Variants in UTP18 observed in about 807,000 individuals in gnomAD.
UTP18 encodes UTP18 small subunit processome component.
A neutral mutation model predicts 61.1 loss-of-function variants in UTP18; 36 were observed. The observed-to-expected ratio is 0.59, with a 90% CI of 0.45 to 0.78. The LOEUF is 0.78. UTP18 is among the 30% of genes least tolerant of loss of function. The probability of loss-of-function intolerance (pLI) is 0.00; values close to 1 mark genes in which losing one functional copy is unlikely to be tolerated. For missense variants in UTP18, 753 were observed against 693.9 expected, an observed-to-expected ratio of 1.09 and a Z score of -0.96; for synonymous variants, 282 against 251.1, an observed-to-expected ratio of 1.12 and a Z score of -1.16.
chr17:51,274,302 A>G (rs73334981), intron 5 of UTP18, among the ~76,000 whole-genome samples: 333 of 152,304 alleles, frequency 2.2e-3, no homozygotes, highest in African/African-American at 7.6e-3. Context: ...ACTCATCACT[A>G]TGTCTAGCAT....
Position 51,260,928 on chromosome 17 carries a change from T to C in UTP18, c.342+2T>C, listed in dbSNP as rs1189195776. The C allele has an allele frequency of 6.5e-7, 1 of 1,547,314 alleles. No homozygotes were observed. Among genetic ancestry groups the C allele is most frequent in the Admixed American group, 2.0e-5 (1 of 51,196 alleles). ...CTGCGGCGTCTGCGAGGCCCGAGGGTGAGGGAGGCCGCGGCGCGCGGGCTG... is the reference window on the plus strand; with the variant it reads ...CTGCGGCGTCTGCGAGGCCCGAGGGCGAGGGAGGCCGCGGCGCGCGGGCTG... On this transcript the variant is annotated splice_donor_variant, in intron 1 of 13. Transcript: ENST00000225298. LOFTEE classifies it high-confidence loss of function.
At chr17:51,283,489 G>A (rs1259530178) in intron 9 of UTP18, among the ~76,000 whole-genome samples, 1 of 151,956 alleles carries the variant, frequency 6.6e-6, no homozygotes, top group East Asian at 1.9e-4. Flanking sequence ...TCTGTATGGA[G>A]TCGTTTGTGT....
At chr17:51,277,003 T>C (rs1403682421) in intron 6 of UTP18, 127 bp from the exon 7 acceptor site, 1 of 944,202 alleles carries the variant, frequency 1.1e-6, no homozygotes, top group African/African-American at 1.7e-5. Context: ...TGGCCGTGGC[T>C]GCTTAAGTCA....
chr17:51,267,570 GT>G (rs1194798288), intron 3 of UTP18, among the ~76,000 whole-genome samples: 1 of 148,398 alleles, frequency 6.7e-6, no homozygotes, highest in Non-Finnish European at 1.5e-5. Context: ...TTTTCTTTGT[GT>G]TGTTTAACTT....
Position 51,273,524 on chromosome 17 carries a change from A to G in UTP18, c.711+74A>G, listed in dbSNP as rs921987423. 3.9e-6 allele frequency: 4 copies of G among 1,035,306 alleles called. No homozygotes were observed. In the Admixed American group the frequency reaches 8.7e-5, roughly 22 times the overall value. 64.1% of individuals were successfully genotyped at this position (1,035,306 alleles called of 1,614,324 possible). A position where few individuals can be genotyped will look rare whatever the true frequency, so the allele number is the denominator to read the frequency against. On this transcript the variant is annotated intron_variant, in intron 5 of 13. Coordinates refer to ENST00000225298, the MANE Select transcript of UTP18 (RefSeq NM_016001.3). The stretch of plus-strand genomic sequence containing the variant: ...AGTTTAATTTGCTTCCCAGTAGCAG[A>G]TGTATGGATTCCTATTATCTGTGGG...
chr17:51,288,259 A>G (rs1905163862), intron 11 of UTP18, 56 bp downstream of exon 11: 2 of 1,455,254 alleles, frequency 1.4e-6, no homozygotes, highest in Admixed American at 2.4e-5. Flanking sequence ...AGTTGAAAAC[A>G]TGCAAGAGTA....
chr17:51,293,613 C>G (rs1048822815), intron 11 of UTP18, among the ~76,000 whole-genome samples: 1 of 151,900 alleles, frequency 6.6e-6, no homozygotes, highest in Non-Finnish European at 1.5e-5. Flanking sequence ...GATTGGACAC[C>G]CCTGTCCACC....
intron 13 of UTP18, 90 bp from the exon 14 acceptor site, chr17:51,297,692 C>A: frequency 2.4e-6 from 1 of 420,640 alleles, no homozygotes; most frequent in Admixed American, 3.0e-5. Flanking sequence ...GTTTAGCTCT[C>A]CTGTCTCAAA....
chr17:51,284,000 T>G (rs1410978920), intron 9 of UTP18, among the ~76,000 whole-genome samples: 2 of 152,244 alleles, frequency 1.3e-5, no homozygotes, highest in East Asian at 3.8e-4. Context: ...TTTTGATCTC[T>G]TCCCATTTTA....
chr17:51,297,011 A>G lies in UTP18; in HGVS notation c.*14+8A>G. The stretch of plus-strand genomic sequence containing the variant: ...CTAAAGAGACTATTTGAAGTAAGAA[A>G]ACCCTTTTCTTACAAATTCTGCAGG... On this transcript the variant is annotated splice_region_variant and intron_variant, in intron 13 of 13. Transcript: ENST00000225298. The G allele has an allele frequency of 1.2e-6, 2 of 1,603,036 alleles. No individual in the cohort carries two copies. Among genetic ancestry groups the G allele is most frequent in the Non-Finnish European group, 1.7e-6 (2 of 1,175,684 alleles).
At position 51,260,877 on chromosome 17, in the gene UTP18, A is replaced by G; in HGVS notation, c.293A>G (p.Asp98Gly). The change falls in exon 1 of 14, where the codon GAC becomes GGC. Residue 98 changes from aspartate (D) to glycine (G), a missense_variant. Physicochemically the swap from Asp to Gly is moderately conservative, Grantham distance 94 (BLOSUM62 -1). Coordinates refer to ENST00000225298, the MANE Select transcript of UTP18 (RefSeq NM_016001.3). ...ERCLEELVFG[D>G]VENDEDALLR... Reference sequence around the variant, plus strand: ...TGCTTGGAGGAGCTGGTCTTCGGCGACGTCGAGAACGACGAGGACGCGTTG... The same window carrying G: ...TGCTTGGAGGAGCTGGTCTTCGGCGGCGTCGAGAACGACGAGGACGCGTTG... The G allele has an allele frequency of 2.5e-6, 4 of 1,600,814 alleles. No homozygotes were observed. The highest frequency in any genetic ancestry group is 3.4e-6 in the Non-Finnish European group (4 of 1,174,810).
Position 51,297,123 on chromosome 17 carries a change from A to G in UTP18, c.*14+120A>G, listed in dbSNP as rs1905388491. ...TCTACCCCTAAGTTACTGCATCTTT[A>G]TTTAGAGGGGTGGGTTGGAAGTAGA... On this transcript the variant is annotated intron_variant, in intron 13 of 13. Transcript: ENST00000225298. The G allele has an allele frequency of 2.1e-5, 17 of 813,824 alleles. No homozygotes were observed. The South Asian group carries it at 2.7e-4, about 13-fold the overall frequency. The allele number at this position is 813,824 out of a possible 1,614,324, so 50.4% of individuals were successfully genotyped here.
chr17:51,291,738 C>T (rs1455243006), intron 11 of UTP18, among the ~76,000 whole-genome samples: 1 of 97,022 alleles, frequency 1.0e-5, no homozygotes, highest in Non-Finnish European at 2.4e-5. Flanking sequence ...GACTTGATCT[C>T]AAAAAAAAAA....
intron 9 of UTP18, among the ~76,000 whole-genome samples, chr17:51,281,388 C>T (rs1386359075): frequency 3.3e-5 from 5 of 151,968 alleles, no homozygotes; most frequent in Non-Finnish European, 7.4e-5. Context: ...ATTCCCCATG[C>T]TATGAAAATT....
chr17:51,275,586 T>G (rs1011825807), intron 5 of UTP18, among the ~76,000 whole-genome samples: 18 of 152,338 alleles, frequency 1.2e-4, no homozygotes, highest in African/African-American at 3.6e-4. Context: ...CAAGAATGAG[T>G]AATACATTCA....
chr17:51,282,867 C>CTTCTTTTT (rs753924069), intron 9 of UTP18, among the ~76,000 whole-genome samples: 2 of 120,696 alleles, frequency 1.7e-5, no homozygotes, highest in African/African-American at 5.7e-5. Flanking sequence ...TCTTCTTCTT[C>CTTCTTTTT]TTTTTTTTTT....
At chr17:51,286,587 G>A (rs770073277) in intron 10 of UTP18, 11 of 456,126 alleles carry the variant, frequency 2.4e-5, no homozygotes, top group Non-Finnish European at 4.8e-5. Context: ...TTGGAGACCA[G>A]GCCATCTGCC....
In UTP18 at chr17:51,268,078, C is replaced by T. The variant is rs150542904; in HGVS notation, c.555-759C>T. Among the ~76,000 whole-genome samples the T allele has an allele frequency of 9.6e-3, 1,420 of 147,884 alleles. 10 individuals are homozygous for T. The highest frequency in any genetic ancestry group is 0.013 in the Non-Finnish European group (857 of 67,602). On this transcript the variant is annotated intron_variant, in intron 3 of 13. Transcript: ENST00000225298. ...AGGCTGGAGTGCAGCGGCGTGATCG[C>T]GGCTCACTGCAAGCTCTGCCTCCCG...
chr17:51,279,454 C>T (rs181312719), intron 7 of UTP18, among the ~76,000 whole-genome samples: 37 of 151,970 alleles, frequency 2.4e-4, no homozygotes, highest in Admixed American at 2.1e-3. Context: ...GCTAGTCAGT[C>T]CTTAAGTAAA....
Sources: allele counts gnomAD v4.1 joint callset (sites outside exome capture counted in the v4.1 genomes callset), GRCh38; gene constraint gnomAD v4.1.1; transcripts MANE v1.5; gene names NCBI Gene and HGNC (gene_info 2026-07-23, HGNC 2026-07-21).